The following CPQ variants were observed in gnomAD, a reference collection of about 807,000 sequenced individuals.
CPQ encodes the protein carboxypeptidase Q.
CPQ carries 37 observed loss-of-function variants against 45.7 expected under a neutral mutation model. That is an observed-to-expected ratio of 0.81 (90% CI 0.62 to 1.07). CPQ has a LOEUF of 1.07. Among genes scored for constraint, CPQ ranks in the 50% least tolerant of loss-of-function variants. The probability of loss-of-function intolerance (pLI) is 0.00; values close to 1 mark genes in which losing one functional copy is unlikely to be tolerated. For synonymous variants in CPQ, 186 were observed against 205.8 expected, an observed-to-expected ratio of 0.90 and a Z score of 0.82; for missense variants, 537 against 572.9, an observed-to-expected ratio of 0.94 and a Z score of 0.64.
chr8:96,725,822 A>G (rs563674929), intron 1 of CPQ, among the ~76,000 whole-genome samples: 1 of 152,324 alleles, frequency 6.6e-6, no homozygotes, highest in Admixed American at 6.5e-5. Flanking sequence ...TAGCAAAGAC[A>G]TGGAATCAAC....
At chr8:96,948,727 T>C (rs1813221327) in intron 4 of CPQ, among the ~76,000 whole-genome samples, 1 of 152,276 alleles carries the variant, frequency 6.6e-6, no homozygotes, top group East Asian at 1.9e-4. Flanking sequence ...CTCTTCATTA[T>C]TGAAAGTGTG....
intron 1 of CPQ, among the ~76,000 whole-genome samples, chr8:96,760,515 AT>A (rs1487013065): frequency 6.6e-6 from 1 of 152,138 alleles, no homozygotes; most frequent in African/African-American, 2.4e-5. Flanking sequence ...GCTAATGTTG[AT>A]GTTTTAAGGG....
chr8:96,833,927 GA>G (rs1390668450), intron 2 of CPQ, among the ~76,000 whole-genome samples: 1 of 152,136 alleles, frequency 6.6e-6, no homozygotes, highest in African/African-American at 2.4e-5. Flanking sequence ...TAAGCTTTCA[GA>G]AAAACTTATT....
At chr8:97,107,547 G>A (rs777049235) in intron 7 of CPQ, among the ~76,000 whole-genome samples, 17 of 152,188 alleles carry the variant, frequency 1.1e-4, no homozygotes, top group Non-Finnish European at 1.5e-5. Flanking sequence ...CCAGAGAAGA[G>A]GACTATGAAC....
At chr8:96,984,328 G>T (rs1183628705) in intron 5 of CPQ, among the ~76,000 whole-genome samples, 1 of 151,316 alleles carries the variant, frequency 6.6e-6, no homozygotes. Context: ...TTCCTATGTT[G>T]GAAATGTTGG....
intron 7 of CPQ, among the ~76,000 whole-genome samples, chr8:97,103,107 G>C (rs1443836511): frequency 6.6e-6 from 1 of 151,950 alleles, no homozygotes; most frequent in Non-Finnish European, 1.5e-5. Flanking sequence ...GGATCATTAT[G>C]GTTACATTGG....
chr8:97,034,768 G>T (rs896083334), intron 6 of CPQ, among the ~76,000 whole-genome samples: 1 of 150,632 alleles, frequency 6.6e-6, no homozygotes, highest in Non-Finnish European at 1.5e-5. Context: ...GGTTATGTCT[G>T]TTCTTAAACT....
At chr8:97,091,994 AAC>A (rs947468221) in intron 7 of CPQ, among the ~76,000 whole-genome samples, 1 of 152,132 alleles carries the variant, frequency 6.6e-6, no homozygotes, top group African/African-American at 2.4e-5. Flanking sequence ...TAACTGACAA[AAC>A]ACATGATTCC....
At chr8:97,073,447 T>C (rs1810788800) in intron 7 of CPQ, among the ~76,000 whole-genome samples, 1 of 152,210 alleles carries the variant, frequency 6.6e-6, no homozygotes, top group Non-Finnish European at 1.5e-5. Flanking sequence ...AATTTAATGG[T>C]GCCTCCCTTA....
At chr8:97,023,252 C>T (rs1315992687) in intron 5 of CPQ, among the ~76,000 whole-genome samples, 1 of 151,818 alleles carries the variant, frequency 6.6e-6, no homozygotes. Context: ...TATGTTCTCA[C>T]TCATATGTGG....
intron 1 of CPQ, among the ~76,000 whole-genome samples, chr8:96,663,585 T>G (rs1214228947): frequency 1.3e-5 from 2 of 152,244 alleles, no homozygotes; most frequent in Non-Finnish European, 2.9e-5. Context: ...AAGAAAATCT[T>G]TAGTTTCTTT....
At chr8:96,820,777 A>G (rs971965026) in intron 2 of CPQ, among the ~76,000 whole-genome samples, 1 of 152,006 alleles carries the variant, frequency 6.6e-6, no homozygotes, top group African/African-American at 2.4e-5. Context: ...TAAACACGGG[A>G]GTGCAGATAT....
intron 7 of CPQ, among the ~76,000 whole-genome samples, chr8:97,078,035 G>GATTT (rs775239377): frequency 5.3e-5 from 8 of 152,064 alleles, no homozygotes; most frequent in Non-Finnish European, 1.0e-4. Context: ...ACCCAAAGAT[G>GATTT]ATTTATTTAT....
chr8:96,727,068 G>C lies in CPQ; in HGVS notation c.-34-57796G>C, dbSNP rs115481270. Among the ~76,000 whole-genome samples, 1,132 of 152,284 alleles carry C rather than the reference G, an allele frequency of 7.4e-3. 8 individuals are homozygous for C. Among genetic ancestry groups the C allele is most frequent in the African/African-American group, 0.023 (950 of 41,564 alleles). On this transcript the variant is annotated intron_variant, in intron 1 of 7. Coordinates refer to ENST00000220763, the MANE Select transcript of CPQ (RefSeq NM_016134.4). ...TTCTAGGTTATTGCTGTTGAGTACA[G>C]TGATGGCTATGAACATTCTTGTGCA...
intron 7 of CPQ, among the ~76,000 whole-genome samples, chr8:97,092,109 T>C (rs1409237959): frequency 6.6e-6 from 1 of 152,176 alleles, no homozygotes; most frequent in Non-Finnish European, 1.5e-5. Flanking sequence ...AAAATTATGA[T>C]AAAGAGCAGC....
chr8:96,822,504 G>A (rs1010802126), intron 2 of CPQ, among the ~76,000 whole-genome samples: 1 of 151,888 alleles, frequency 6.6e-6, no homozygotes, highest in Non-Finnish European at 1.5e-5. Flanking sequence ...CCTCTACACT[G>A]TTTTTCATAA....
chr8:96,854,530 C>CAAAAAAAAAAAAA (rs1156706371), intron 3 of CPQ, among the ~76,000 whole-genome samples: 1 of 8,698 alleles, frequency 1.1e-4, no homozygotes, highest in Non-Finnish European at 4.0e-4. Flanking sequence ...GACTCCGTCT[C>CAAAAAAAAAAAAA]AAAAAAAAAA....
intron 6 of CPQ, among the ~76,000 whole-genome samples, chr8:97,058,983 T>C (rs1810501544): frequency 6.6e-6 from 1 of 152,170 alleles, no homozygotes; most frequent in South Asian, 2.1e-4. Context: ...ATTACTCTTT[T>C]TAGCTAATGT....
chr8:96,992,400 C>T (rs1809109225), intron 5 of CPQ, among the ~76,000 whole-genome samples: 1 of 152,020 alleles, frequency 6.6e-6, no homozygotes, highest in African/African-American at 2.4e-5. Flanking sequence ...GACAATCTAG[C>T]TACATGGGAC....
Sources: allele counts gnomAD v4.1 joint callset (sites outside exome capture counted in the v4.1 genomes callset), GRCh38; gene constraint gnomAD v4.1.1; transcripts MANE v1.5; gene names NCBI Gene and HGNC (gene_info 2026-07-23, HGNC 2026-07-21).